The following SLC5A5 variants were observed in gnomAD, a reference collection of about 807,000 sequenced individuals.
SLC5A5 encodes the protein solute carrier family 5 member 5.
In SLC5A5, 56 loss-of-function variants were observed where a neutral mutation model predicts 68.6. The ratio of observed to expected loss-of-function variants is 0.82; its 90% confidence interval spans 0.66 to 1.02. The LOEUF (loss-of-function observed/expected upper bound fraction) is 1.02, where lower values mean the gene tolerates loss of function less well. Ranked by LOEUF, SLC5A5 falls within the 50% of genes least tolerant of loss-of-function variation. The pLI is 0.00. For missense variants in SLC5A5, 807 were observed against 859.8 expected (o/e 0.94, Z 0.77); for synonymous variants, 398 against 373.0 (o/e 1.07, Z -0.77).
At chr19:17,875,611 A>G (rs2094305070) in intron 4 of SLC5A5, among the ~76,000 whole-genome samples, 1 of 135,340 alleles carries the variant, frequency 7.4e-6, no homozygotes, top group Admixed American at 7.2e-5. Flanking sequence ...CCATCTCTAC[A>G]AAAAAAATTT....
chr19:17,872,473 C>A lies in SLC5A5; in HGVS notation c.154C>A (p.Arg52=). Residue 52 remains arginine (R), a synonymous_variant, in exon 1 of 15, where the codon CGG becomes AGG. Coordinates refer to ENST00000222248, the MANE Select transcript of SLC5A5 (RefSeq NM_000453.3). ...RSAEDFFTGG[R]RLAALPVGLS... The stretch of plus-strand genomic sequence containing the variant: ...CGCTGAGGACTTCTTCACCGGGGGC[C>A]GGCGCCTGGCGGCCCTGCCCGTGGG... The A allele has an allele frequency of 1.9e-6, 3 of 1,611,162 alleles. No homozygotes were observed. The highest frequency in any genetic ancestry group is 2.5e-6 in the Non-Finnish European group (3 of 1,179,180).
chr19:17,893,809 G>A lies in SLC5A5; in HGVS notation c.1864G>A (p.Gly622Arg). The A allele has an allele frequency of 1.2e-6, 2 of 1,607,920 alleles. No individual in the cohort carries two copies. Among genetic ancestry groups the A allele is most frequent in the South Asian group, 1.1e-5 (1 of 90,176 alleles). The change falls in exon 15 of 15, where the codon GGG becomes AGG. Residue 622 changes from glycine (G) to arginine (R), a missense_variant. Physicochemically the swap from Gly to Arg is moderately radical, Grantham distance 125. Transcript: ENST00000222248. ...TTTCTTGGGGCAGAAGGAGCTGGAG[G>A]GGGCTGGCTCTTGGACCCCCTGTGT... ...LFFLGQKELE[G>R]AGSWTPCVGH... is the part of the protein sequence containing the mutation.
intron 14 of SLC5A5, 100 bp downstream of exon 14, chr19:17,891,101 C>T (rs2030151677): frequency 1.3e-6 from 1 of 785,930 alleles, no homozygotes; most frequent in African/African-American, 1.7e-5. Context: ...CACCTTTCTC[C>T]ATCGCTCATT....
At chr19:17,882,926 G>T (rs944295612) in intron 10 of SLC5A5, among the ~76,000 whole-genome samples, 1 of 151,896 alleles carries the variant, frequency 6.6e-6, no homozygotes, top group Non-Finnish European at 1.5e-5. Flanking sequence ...CTCGTGATCC[G>T]CCCTCCTCGG....
chr19:17,874,561 AT>A lies in SLC5A5; in HGVS notation c.475+18del, dbSNP rs113740966. 1.4e-3 allele frequency: 2,259 copies of A among 1,613,510 alleles called. 23 individuals are homozygous for A. In the African/African-American group the frequency reaches 0.027, roughly 19 times the overall value. On this transcript the variant is annotated intron_variant, in intron 3 of 14. Transcript: ENST00000222248. ...CTGAACCAAGGTGTGACTCTGGGAG[AT>A]TAGGGAAGCATGTCTGGGAAGAGAA...
intron 12 of SLC5A5, 78 bp downstream of exon 12, chr19:17,884,124 T>A (rs1367998438): frequency 1.6e-6 from 2 of 1,260,860 alleles, no homozygotes; most frequent in South Asian, 1.3e-5. Context: ...TGCCCTGCAC[T>A]CTGTGTAAGA....
rs1440735204 is a variant in SLC5A5 at position 17,894,821 on chromosome 19, G to A, written c.*944G>A. On this transcript the variant is annotated 3_prime_UTR_variant, in exon 15 of 15. Coordinates refer to ENST00000222248, the MANE Select transcript of SLC5A5 (RefSeq NM_000453.3). ...AAATTTATGTCTACCCAGAACCTCA[G>A]AACATGAGCTTACTTGGAAATAGGG... is the stretch of plus-strand genomic sequence containing the variant. The A allele has an allele frequency of 1.3e-5, 2 of 152,206 alleles. No homozygotes were observed. The highest frequency in any genetic ancestry group is 2.9e-5 in the Non-Finnish European group (2 of 68,066). 9.4% of individuals were successfully genotyped at this position (152,206 alleles called of 1,614,324 possible). A position where few individuals can be genotyped will look rare whatever the true frequency, so the allele number is the denominator to read the frequency against.
At chr19:17,883,450 G>C (rs1296047010) in intron 10 of SLC5A5, among the ~76,000 whole-genome samples, 5 of 151,328 alleles carry the variant, frequency 3.3e-5, no homozygotes, top group Admixed American at 2.0e-4. Context: ...TCCCTGGCTT[G>C]AGGGTGGGAC....
intron 14 of SLC5A5, among the ~76,000 whole-genome samples, chr19:17,891,469 G>C (rs1470997595): frequency 6.6e-6 from 1 of 152,036 alleles, no homozygotes; most frequent in Non-Finnish European, 1.5e-5. Flanking sequence ...GACCCCCAAA[G>C]TGCTGGGATG....
intron 12 of SLC5A5, among the ~76,000 whole-genome samples, chr19:17,885,009 ATTT>A (rs71164317): frequency 7.6e-6 from 1 of 132,392 alleles, no homozygotes; most frequent in Non-Finnish European, 1.6e-5. Context: ...AACATTTTCT[ATTT>A]TTTTTTTTTT....
intron 4 of SLC5A5, among the ~76,000 whole-genome samples, chr19:17,875,014 AG>A (rs1396477507): frequency 3.3e-5 from 5 of 152,046 alleles, no homozygotes; most frequent in Admixed American, 6.6e-5. Flanking sequence ...GGTCCCAGGG[AG>A]GGCTACCTTT....
At chr19:17,874,101 A>G in intron 1 of SLC5A5, 37 bp from the exon 2 acceptor site, 1 of 1,505,700 alleles carries the variant, frequency 6.6e-7, no homozygotes, top group Non-Finnish European at 9.2e-7. Context: ...GCTCCTGGGT[A>G]AGGACTGTCC....
chr19:17,889,792 C>T (rs532104909), intron 13 of SLC5A5, among the ~76,000 whole-genome samples: 2 of 152,284 alleles, frequency 1.3e-5, no homozygotes, highest in East Asian at 1.9e-4. Flanking sequence ...TTGGGGCGGG[C>T]GGCGCTATCC....
At chr19:17,893,399 G>A (rs368979039) in intron 14 of SLC5A5, among the ~76,000 whole-genome samples, 23 of 152,160 alleles carry the variant, frequency 1.5e-4, no homozygotes, top group East Asian at 9.6e-4. Context: ...CACCGTGCCC[G>A]GCCAGAAATA....
intron 13 of SLC5A5, among the ~76,000 whole-genome samples, chr19:17,889,413 AGAAGGAAGGAAG>A (rs566834926): frequency 0.023 from 3,194 of 137,706 alleles, 71 homozygotes; most frequent in Middle Eastern, 0.038. Context: ...AAAGAAAGAA[AGAAGGAAGGAAG>A]GAAGGAAGGA....
chr19:17,880,822 CG>C (rs1568422127), intron 7 of SLC5A5, 42 bp from the exon 8 acceptor site: 1 of 1,442,770 alleles, frequency 6.9e-7, no homozygotes, highest in South Asian at 1.1e-5. Context: ...CCCCGGTCCT[CG>C]GGGTGCAGCT....
intron 13 of SLC5A5, among the ~76,000 whole-genome samples, chr19:17,889,735 G>A (rs1032077055): frequency 2.0e-5 from 3 of 151,638 alleles, no homozygotes; most frequent in Non-Finnish European, 4.4e-5. Flanking sequence ...GGCATTGCCT[G>A]CAACTCCTCT....
intron 5 of SLC5A5, among the ~76,000 whole-genome samples, chr19:17,877,445 G>A (rs1343788824): frequency 6.6e-6 from 1 of 151,640 alleles, no homozygotes; most frequent in Non-Finnish European, 1.5e-5. Flanking sequence ...AAGTAGCTGG[G>A]ATTAGAGGCA....
chr19:17,892,691 A>AGAGAGAGAGAGAGC (rs1386937959), intron 14 of SLC5A5, among the ~76,000 whole-genome samples: 32 of 150,216 alleles, frequency 2.1e-4, no homozygotes, highest in African/African-American at 7.7e-4. Flanking sequence ...AGAGAGAGAG[A>AGAGAGAGAGAGAGC]GAGAGAGCAA....
Sources: allele counts gnomAD v4.1 joint callset (sites outside exome capture counted in the v4.1 genomes callset), GRCh38; gene constraint gnomAD v4.1.1; transcripts MANE v1.5; gene names NCBI Gene and HGNC (gene_info 2026-07-23, HGNC 2026-07-21).